Variants in MSRA observed in about 807,000 individuals in gnomAD.
MSRA encodes mitochondrial peptide methionine sulfoxide reductase.
Under a neutral mutation model 31.3 loss-of-function variants are expected in MSRA, and 54 were observed. The observed-to-expected ratio is 1.73, with a 90% CI of 1.39 to 2.17. The LOEUF (loss-of-function observed/expected upper bound fraction) is 2.17, where lower values mean the gene tolerates loss of function less well. Among genes scored for constraint, MSRA ranks in the 30% most tolerant of loss-of-function variants. The probability of loss-of-function intolerance (pLI) is 0.00; values close to 1 mark genes in which losing one functional copy is unlikely to be tolerated. For synonymous variants in MSRA, 169 were observed against 116.5 expected (o/e 1.45, Z -2.90); for missense variants, 507 against 300.9 (o/e 1.69, Z -5.07).
intron 1 of MSRA, among the ~76,000 whole-genome samples, chr8:10,204,755 A>T (rs1285793134): frequency 6.6e-6 from 1 of 152,256 alleles, no homozygotes; most frequent in African/African-American, 2.4e-5. Flanking sequence ...GTTATCTTTC[A>T]TAATGGCTAA....
chr8:10,191,394 A>G (rs1807490751), intron 1 of MSRA, among the ~76,000 whole-genome samples: 1 of 152,208 alleles, frequency 6.6e-6, no homozygotes, highest in Non-Finnish European at 1.5e-5. Context: ...GGAATTTTGG[A>G]AAAACATTTT....
intron 1 of MSRA, among the ~76,000 whole-genome samples, chr8:10,192,098 G>C (rs748663081): frequency 5.9e-5 from 9 of 152,114 alleles, no homozygotes; most frequent in Admixed American, 1.3e-4. Context: ...ATAGCAGCTG[G>C]TTTCCCCCAC....
intron 3 of MSRA, chr8:10,250,378 G>T (rs1439918839): frequency 2.9e-6 from 2 of 699,936 alleles, no homozygotes; most frequent in Non-Finnish European, 5.2e-6. Flanking sequence ...AGAAAACCCA[G>T]GATGTTCATT....
intron 5 of MSRA, among the ~76,000 whole-genome samples, chr8:10,365,504 T>C (rs1805110185): frequency 6.6e-6 from 1 of 152,166 alleles, no homozygotes; most frequent in African/African-American, 2.4e-5. Flanking sequence ...CAAATGGGTA[T>C]AAAAAAAGAA....
intron 4 of MSRA, among the ~76,000 whole-genome samples, chr8:10,315,883 A>C (rs746413196): frequency 2.6e-5 from 4 of 152,250 alleles, no homozygotes; most frequent in Non-Finnish European, 4.4e-5. Context: ...TTCTTTGGCC[A>C]CCATAAATAG....
In MSRA at chr8:10,200,603, C is replaced by T. The variant is rs543635006; in HGVS notation, c.143-7230C>T. Among the ~76,000 whole-genome samples, 524 of 152,236 alleles carry T rather than the reference C, an allele frequency of 3.4e-3. 6 individuals are homozygous for T. Among genetic ancestry groups the T allele is most frequent in the African/African-American group, 0.012 (504 of 41,546 alleles). ...ATTCCTGGGACACAGGATGAGTGGG[C>T]GTAGTGGTCAGCAGGGAGGGGAGAA... On this transcript the variant is annotated intron_variant, in intron 1 of 5. Transcript: ENST00000317173.
chr8:10,079,919 A>G (rs1162545428), intron 1 of MSRA, among the ~76,000 whole-genome samples: 2 of 152,224 alleles, frequency 1.3e-5, no homozygotes, highest in Non-Finnish European at 2.9e-5. Flanking sequence ...AGTGCTTGAA[A>G]GCGAAGTTCC....
At chr8:10,350,618 G>A (rs186609354) in intron 5 of MSRA, among the ~76,000 whole-genome samples, 1 of 152,364 alleles carries the variant, frequency 6.6e-6, no homozygotes, top group Non-Finnish European at 1.5e-5. Flanking sequence ...CCAGAAAATA[G>A]CTCTCAAATT....
chr8:10,327,023 C>A (rs1802401733), intron 5 of MSRA, among the ~76,000 whole-genome samples: 1 of 152,140 alleles, frequency 6.6e-6, no homozygotes, highest in South Asian at 2.1e-4. Flanking sequence ...GACCTGGCTC[C>A]TTCTGCCAGC....
At chr8:10,347,604 A>C (rs916619541) in intron 5 of MSRA, among the ~76,000 whole-genome samples, 2 of 152,124 alleles carry the variant, frequency 1.3e-5, no homozygotes, top group Non-Finnish European at 2.9e-5. Flanking sequence ...TTCCAGTCTC[A>C]GTCACCCTCT....
chr8:10,200,027 T>A (rs1386539021), intron 1 of MSRA, among the ~76,000 whole-genome samples: 3 of 152,184 alleles, frequency 2.0e-5, no homozygotes, highest in African/African-American at 7.2e-5. Flanking sequence ...CCCATCCTAT[T>A]GTGACCTCTT....
intron 4 of MSRA, among the ~76,000 whole-genome samples, chr8:10,304,975 T>A (rs1282034347): frequency 6.6e-6 from 1 of 152,130 alleles, no homozygotes; most frequent in Non-Finnish European, 1.5e-5. Flanking sequence ...AAGACAAAAC[T>A]TGTGTAGAAG....
intron 3 of MSRA, among the ~76,000 whole-genome samples, chr8:10,295,670 T>C (rs1800498722): frequency 2.0e-5 from 3 of 152,214 alleles, no homozygotes; most frequent in African/African-American, 7.2e-5. Flanking sequence ...GCCATCATGT[T>C]CCATGATGCT....
intron 1 of MSRA, among the ~76,000 whole-genome samples, chr8:10,159,676 G>T (rs976995182): frequency 1.3e-5 from 2 of 152,172 alleles, no homozygotes; most frequent in Non-Finnish European, 2.9e-5. Context: ...GTGGGGAGAG[G>T]GGAGGGGGTT....
At chr8:10,339,666 C>T (rs1345262301) in intron 5 of MSRA, among the ~76,000 whole-genome samples, 4 of 151,596 alleles carry the variant, frequency 2.6e-5, no homozygotes, top group Non-Finnish European at 4.4e-5. Flanking sequence ...CTCAGCCTCC[C>T]GACTAGGTGG....
At chr8:10,280,493 C>A (rs1215435018) in intron 3 of MSRA, among the ~76,000 whole-genome samples, 1 of 152,126 alleles carries the variant, frequency 6.6e-6, no homozygotes, top group African/African-American at 2.4e-5. Context: ...TTTAAAGTTA[C>A]CTTTTTGATA....
chr8:10,182,272 C>T (rs1026093156), intron 1 of MSRA, among the ~76,000 whole-genome samples: 1 of 152,166 alleles, frequency 6.6e-6, no homozygotes, highest in Non-Finnish European at 1.5e-5. Context: ...GATGAAGGTG[C>T]AGGCTGTTAA....
chr8:10,143,421 A>C (rs1690229235), intron 1 of MSRA, among the ~76,000 whole-genome samples: 3 of 152,168 alleles, frequency 2.0e-5, no homozygotes, highest in Admixed American at 6.5e-5. Context: ...GTATAATTTC[A>C]GCCCCGTTAC....
chr8:10,157,974 G>A (rs1467981112), intron 1 of MSRA, among the ~76,000 whole-genome samples: 1 of 152,174 alleles, frequency 6.6e-6, no homozygotes, highest in Admixed American at 6.5e-5. Flanking sequence ...TGGCTTATAT[G>A]CAACAGAGAT....
Sources: allele counts gnomAD v4.1 joint callset (sites outside exome capture counted in the v4.1 genomes callset), GRCh38; gene constraint gnomAD v4.1.1; transcripts MANE v1.5; gene names NCBI Gene and HGNC (gene_info 2026-07-23, HGNC 2026-07-21).